Variants in COL14A1 observed in about 807,000 individuals in gnomAD.
The protein encoded by COL14A1 is collagen alpha-1(XIV) chain.
A neutral mutation model predicts 230.3 loss-of-function variants in COL14A1; 136 were observed. That is an observed-to-expected ratio of 0.59 (90% CI 0.51 to 0.68). The LOEUF (loss-of-function observed/expected upper bound fraction) is 0.68, where lower values mean the gene tolerates loss of function less well. COL14A1 is among the 30% of genes least tolerant of loss of function. The pLI, the probability that COL14A1 is intolerant of heterozygous loss-of-function variation, is 0.00. For missense variants in COL14A1, 1,976 were observed against 2,215.8 expected, an observed-to-expected ratio of 0.89 and a Z score of 2.17; for synonymous variants, 792 against 784.1, an observed-to-expected ratio of 1.01 and a Z score of -0.17.
chr8:120,298,943 C>T (rs1820620760), intron 35 of COL14A1, among the ~76,000 whole-genome samples: 1 of 151,806 alleles, frequency 6.6e-6, no homozygotes, highest in African/African-American at 2.4e-5. Flanking sequence ...CAAACACTTC[C>T]TTCTTCAGAA....
At chr8:120,186,284 G>C (rs1284503672) in intron 5 of COL14A1, among the ~76,000 whole-genome samples, 1 of 152,198 alleles carries the variant, frequency 6.6e-6, no homozygotes, top group Non-Finnish European at 1.5e-5. Context: ...GAGCTTCCAA[G>C]AGTTCTACTG....
chr8:120,203,519 A>G (rs997932203), intron 8 of COL14A1, among the ~76,000 whole-genome samples, 190 bp from the exon 9 acceptor site: 2 of 152,200 alleles, frequency 1.3e-5, no homozygotes, highest in Admixed American at 6.5e-5. Flanking sequence ...AGATATGACT[A>G]TATTTTTTCA....
chr8:120,364,861 T>A (rs992819931), intron 45 of COL14A1, among the ~76,000 whole-genome samples: 44 of 151,060 alleles, frequency 2.9e-4, no homozygotes, highest in African/African-American at 1.0e-3. Context: ...CCAGCCTAGA[T>A]GACAGAGTGA....
intron 13 of COL14A1, 125 bp from the exon 14 acceptor site, chr8:120,216,226 T>A: frequency 1.4e-6 from 1 of 708,712 alleles, no homozygotes; most frequent in Non-Finnish European, 2.3e-6. Context: ...GTTATTTCAG[T>A]GTTATAAGTT....
intron 22 of COL14A1, among the ~76,000 whole-genome samples, chr8:120,251,009 T>C (rs933310069): frequency 2.6e-5 from 4 of 152,136 alleles, no homozygotes; most frequent in Admixed American, 2.0e-4. Context: ...GGTTTCACCA[T>C]GTTGGCCAGG....
At chr8:120,226,501 T>G (rs892324896) in intron 15 of COL14A1, 126 bp from the exon 16 acceptor site, 1 of 935,190 alleles carries the variant, frequency 1.1e-6, no homozygotes, top group East Asian at 2.6e-5. Flanking sequence ...CCAGTTTTCC[T>G]TCTTTCCTGT....
rs1333375524 is a variant in COL14A1, at chr8:120,199,509, G to A, written c.820G>A (p.Asp274Asn). The A allele has an allele frequency of 2.5e-6, 4 of 1,613,114 alleles. No individual in the cohort carries two copies. The highest frequency in any genetic ancestry group is 3.4e-6 in the Non-Finnish European group (4 of 1,179,616). ...AATCACAGATGGAAAATCCCAAGATGACATTATTCCACCATCTAGAAATCT... is the reference window on the plus strand; with the variant it reads ...AATCACAGATGGAAAATCCCAAGATAACATTATTCCACCATCTAGAAATCT... ...ILITDGKSQD[D>N]IIPPSRNLRE... Residue 274 changes from aspartate (D) to asparagine (N), a missense_variant, in exon 8 of 48, where the codon GAC becomes AAC. By Grantham distance (23) the Asp-to-Asn change is conservative. Coordinates refer to ENST00000297848, the MANE Select transcript of COL14A1 (RefSeq NM_021110.4).
At chr8:120,194,310 T>G (rs1816950257) in intron 5 of COL14A1, among the ~76,000 whole-genome samples, 1 of 152,208 alleles carries the variant, frequency 6.6e-6, no homozygotes, top group African/African-American at 2.4e-5. Context: ...CTAGATAATG[T>G]TTTCTGCATG....
chr8:120,341,424 T>C, intron 43 of COL14A1, 64 bp downstream of exon 43: 2 of 1,504,998 alleles, frequency 1.3e-6, no homozygotes, highest in Middle Eastern at 3.5e-4. Context: ...TGCATAAGCC[T>C]GATAAAGGAT....
In COL14A1 at chr8:120,209,039, C is replaced by T. The variant is rs553421228; in HGVS notation, c.1321+678C>T. On this transcript the variant is annotated intron_variant, in intron 11 of 47. Transcript: ENST00000297848. ...AGTGTAAACAACACTAATCACAATG[C>T]GCCAGGCACTGTGATCATCACTCTC... Among the ~76,000 whole-genome samples, 36 of 152,270 alleles carry T rather than the reference C, an allele frequency of 2.4e-4. No homozygotes were observed. In the South Asian group the frequency reaches 7.1e-3, roughly 30 times the overall value.
At chr8:120,198,528 C>T (rs1003557779) in intron 7 of COL14A1, among the ~76,000 whole-genome samples, 1 of 152,032 alleles carries the variant, frequency 6.6e-6, no homozygotes, top group African/African-American at 2.4e-5. Context: ...CTGAGCATCC[C>T]AACTCTGAAA....
At chr8:120,338,713 G>A (rs1662321065) in intron 42 of COL14A1, among the ~76,000 whole-genome samples, 1 of 152,182 alleles carries the variant, frequency 6.6e-6, no homozygotes. Flanking sequence ...TTGGAACATG[G>A]TAAAGCAGCC....
chr8:120,244,005 A>T lies in COL14A1; in HGVS notation c.2476A>T (p.Thr826Ser), dbSNP rs780525640. 5.3e-5 allele frequency: 85 copies of T among 1,610,498 alleles called. No homozygotes were observed. Among genetic ancestry groups the T allele is most frequent in the Non-Finnish European group, 6.8e-5 (80 of 1,178,540 alleles). ...EGVSVSAPGK[T>S]LPSSGPQNLR... ...CGTCAGCGTCTCCGCTCCTGGAAAA[A>T]CCTGTAAGTGAAGCTTTCTCCCTTT... Residue 826 changes from threonine to serine, a missense_variant, in exon 20 of 48, where the codon ACC (threonine) becomes TCC (serine). Coordinates refer to ENST00000297848, the MANE Select transcript of COL14A1 (RefSeq NM_021110.4).
At chr8:120,281,187 T>C in intron 31 of COL14A1, 128 bp downstream of exon 31, 1 of 839,814 alleles carries the variant, frequency 1.2e-6, no homozygotes, top group Non-Finnish European at 1.8e-6. Flanking sequence ...GAGTAGAAGA[T>C]ATTTACATTT....
chr8:120,133,942 A>C (rs138640729), intron 1 of COL14A1, among the ~76,000 whole-genome samples: 145 of 152,222 alleles, frequency 9.5e-4, no homozygotes, highest in African/African-American at 3.4e-3. Flanking sequence ...TATAAAAATA[A>C]AATTGCTTTA....
At chr8:120,256,049 CAGA>C (rs1249002982) in intron 23 of COL14A1, among the ~76,000 whole-genome samples, 4 of 151,976 alleles carry the variant, frequency 2.6e-5, no homozygotes, top group Non-Finnish European at 4.4e-5. Flanking sequence ...GGACACTATG[CAGA>C]AGATGAAATC....
chr8:120,194,022 C>T (rs1208610713), intron 5 of COL14A1, among the ~76,000 whole-genome samples: 4 of 152,202 alleles, frequency 2.6e-5, no homozygotes, highest in African/African-American at 9.7e-5. Flanking sequence ...AATGCCTCGC[C>T]CTGCTTCGGC....
At chr8:120,129,407 T>G (rs889390498) in intron 1 of COL14A1, among the ~76,000 whole-genome samples, 2 of 151,920 alleles carry the variant, frequency 1.3e-5, no homozygotes, top group Admixed American at 6.6e-5. Context: ...TTGAAAAAAA[T>G]GAAGAGAGGG....
intron 22 of COL14A1, among the ~76,000 whole-genome samples, chr8:120,252,367 A>G (rs1376862686): frequency 6.6e-6 from 1 of 152,158 alleles, no homozygotes; most frequent in Non-Finnish European, 1.5e-5. Flanking sequence ...TTTAGTCCCC[A>G]AAGTCCATTA....
Sources: allele counts gnomAD v4.1 joint callset (sites outside exome capture counted in the v4.1 genomes callset), GRCh38; gene constraint gnomAD v4.1.1; transcripts MANE v1.5; gene names NCBI Gene and HGNC (gene_info 2026-07-23, HGNC 2026-07-21).